Variants in AUTS2 observed in about 807,000 individuals in gnomAD.
AUTS2 encodes activator of transcription and developmental regulator AUTS2, also known as autism susceptibility gene 2 protein.
A neutral mutation model predicts 112.4 loss-of-function variants in AUTS2; 17 were observed. The ratio of observed to expected loss-of-function variants is 0.15; its 90% CI spans 0.10 to 0.23. The LOEUF is 0.23. AUTS2 is among the 10% of genes least tolerant of loss of function. The pLI is 1.00. For missense variants in AUTS2, 1,510 were observed against 1,701.6 expected (o/e 0.89, Z 1.98); for synonymous variants, 751 against 702.7 (o/e 1.07, Z -1.09).
chr7:70,408,807 C>T (rs551010390), intron 4 of AUTS2, among the ~76,000 whole-genome samples: 5 of 152,310 alleles, frequency 3.3e-5, no homozygotes, highest in East Asian at 3.9e-4. Flanking sequence ...TTCCTTTGCA[C>T]GCTGCACTGG....
intron 2 of AUTS2, among the ~76,000 whole-genome samples, chr7:70,114,827 T>C (rs1293202365): frequency 6.6e-6 from 1 of 152,068 alleles, no homozygotes; most frequent in Non-Finnish European, 1.5e-5. Flanking sequence ...AAAGAAAATA[T>C]ATTCATGGGA....
chr7:70,740,370 T>A (rs1424733881), intron 6 of AUTS2, among the ~76,000 whole-genome samples: 1 of 152,208 alleles, frequency 6.6e-6, no homozygotes, highest in African/African-American at 2.4e-5. Context: ...CTTTGGAGAT[T>A]CATATTCTGT....
intron 1 of AUTS2, among the ~76,000 whole-genome samples, chr7:69,730,145 T>C (rs1397828624): frequency 1.3e-5 from 2 of 151,820 alleles, no homozygotes; most frequent in African/African-American, 4.8e-5. Flanking sequence ...CTTGGCAATA[T>C]GTAACTCTTT....
At chr7:69,691,796 C>A (rs574343329) in intron 1 of AUTS2, among the ~76,000 whole-genome samples, 4 of 152,082 alleles carry the variant, frequency 2.6e-5, no homozygotes, top group Non-Finnish European at 5.9e-5. Flanking sequence ...CAGCATGGGC[C>A]GCTGCTGCCA....
intron 4 of AUTS2, among the ~76,000 whole-genome samples, chr7:70,158,813 G>A (rs1165024009): frequency 6.6e-6 from 1 of 152,044 alleles, no homozygotes; most frequent in African/African-American, 2.4e-5. Flanking sequence ...TTAGCTGGAG[G>A]ACTATAGAGC....
intron 5 of AUTS2, among the ~76,000 whole-genome samples, chr7:70,648,401 A>G (rs2129541432): frequency 6.6e-6 from 1 of 152,262 alleles, no homozygotes. Context: ...GCTTTCAGGG[A>G]CAGGCGTGGG....
chr7:70,012,946 G>A (rs755995775), intron 2 of AUTS2, among the ~76,000 whole-genome samples: 1 of 152,212 alleles, frequency 6.6e-6, no homozygotes, highest in Non-Finnish European at 1.5e-5. Context: ...ATGTGTGCAT[G>A]TATGTGTGTT....
intron 5 of AUTS2, among the ~76,000 whole-genome samples, chr7:70,620,954 G>A (rs1804639826): frequency 6.6e-6 from 1 of 152,218 alleles, no homozygotes; most frequent in Non-Finnish European, 1.5e-5. Flanking sequence ...CAGCAGCTGA[G>A]CAGCGACAGG....
chr7:70,444,804 G>T (rs1238674506), intron 5 of AUTS2, among the ~76,000 whole-genome samples: 2 of 152,130 alleles, frequency 1.3e-5, no homozygotes, highest in African/African-American at 4.8e-5. Flanking sequence ...CAGCCGAATG[G>T]GGTCTTTGAA....
intron 4 of AUTS2, among the ~76,000 whole-genome samples, chr7:70,315,282 A>G (rs1169216148): frequency 2.0e-5 from 3 of 152,142 alleles, no homozygotes; most frequent in Non-Finnish European, 2.9e-5. Flanking sequence ...TCAGTATCCC[A>G]AAGTTTATAG....
At chr7:70,771,302 C>A in intron 10 of AUTS2, 1 of 321,758 alleles carries the variant, frequency 3.1e-6, no homozygotes. Context: ...GAAAAGCTCC[C>A]TTTCTAATGA....
intron 2 of AUTS2, among the ~76,000 whole-genome samples, chr7:70,071,519 C>G (rs191833857): frequency 1.1e-4 from 17 of 152,294 alleles, no homozygotes; most frequent in Admixed American, 4.6e-4. Flanking sequence ...AAGTGCTTAT[C>G]ATCGACACAG....
intron 5 of AUTS2, among the ~76,000 whole-genome samples, chr7:70,457,740 G>T (rs994044253): frequency 2.6e-5 from 4 of 152,164 alleles, no homozygotes; most frequent in African/African-American, 9.7e-5. Flanking sequence ...AGCCGCAGAT[G>T]CCTGGTTTAA....
intron 1 of AUTS2, among the ~76,000 whole-genome samples, chr7:69,656,621 C>T (rs1795553208): frequency 6.6e-6 from 1 of 152,114 alleles, no homozygotes; most frequent in Admixed American, 6.5e-5. Flanking sequence ...CCTTGCTCCT[C>T]CCTGACATTG....
intron 5 of AUTS2, among the ~76,000 whole-genome samples, chr7:70,672,022 C>T (rs1424412234): frequency 1.3e-5 from 2 of 152,186 alleles, no homozygotes; most frequent in Admixed American, 6.5e-5. Flanking sequence ...CCTGAGGATT[C>T]GGTGAACTGG....
chr7:70,331,519 T>A (rs1277773216), intron 4 of AUTS2, among the ~76,000 whole-genome samples: 2 of 151,798 alleles, frequency 1.3e-5, no homozygotes, highest in Non-Finnish European at 2.9e-5. Context: ...CTCATTGATT[T>A]TTTTTTTTTT....
At chr7:70,478,031 A>G (rs2116094343) in intron 5 of AUTS2, among the ~76,000 whole-genome samples, 1 of 152,262 alleles carries the variant, frequency 6.6e-6, no homozygotes, top group South Asian at 2.1e-4. Context: ...GTGACTGTCC[A>G]CAGCAATAGA....
At chr7:69,812,540 T>C (rs749692713) in intron 1 of AUTS2, among the ~76,000 whole-genome samples, 5 of 152,238 alleles carry the variant, frequency 3.3e-5, no homozygotes, top group African/African-American at 7.2e-5. Flanking sequence ...TGCCACACTT[T>C]ACCTAAACAT....
chr7:70,399,505 A>T (rs1405453004), intron 4 of AUTS2, among the ~76,000 whole-genome samples: 4 of 152,084 alleles, frequency 2.6e-5, no homozygotes, highest in Admixed American at 2.0e-4. Flanking sequence ...CAGATCTTGG[A>T]CACTTGTCAA....
Sources: gnomAD v4.1 joint callset for allele counts (sites outside exome capture counted in the v4.1 genomes callset) on GRCh38, gnomAD v4.1.1 for gene constraint, MANE v1.5 for transcripts, NCBI Gene and HGNC (gene_info 2026-07-23, HGNC 2026-07-21) for gene names.